LRRC74B: variants seen among roughly 807,000 people sequenced by gnomAD.
LRRC74B encodes leucine-rich repeat-containing protein 74B.
LRRC74B carries 30 observed loss-of-function variants against 16.6 expected under a neutral mutation model. The observed-to-expected ratio is 1.80, with a 90% confidence interval of 1.35 to 2.45. The LOEUF (loss-of-function observed/expected upper bound fraction) is 2.45, where lower values mean the gene tolerates loss of function less well. Ranked by LOEUF, LRRC74B falls within the 30% of genes most tolerant of loss-of-function variation. The pLI is 0.00. For missense variants in LRRC74B, 326 were observed against 202.4 expected (o/e 1.61, Z -3.71); for synonymous variants, 134 against 86.0 (o/e 1.56, Z -3.09).
At chr22:21,053,141 T>G (rs998498038) in intron 5 of LRRC74B, among the ~76,000 whole-genome samples, 5 of 152,220 alleles carry the variant, frequency 3.3e-5, no homozygotes, top group African/African-American at 1.2e-4. Context: ...TCCTTTCCTG[T>G]TGTGCTCTGG....
At chr22:21,047,892 G>A in exon 3 of LRRC74B, 1 of 717,392 alleles carries the variant, frequency 1.4e-6, no homozygotes, top group Non-Finnish European at 2.6e-6. Flanking sequence ...AGGGCGCCCG[G>A]GCTCTGGCTT....
downstream of LRRC74B, chr22:21,061,748 CAT>C (rs1930816333): frequency 6.6e-6 from 1 of 152,116 alleles, no homozygotes; most frequent in Non-Finnish European, 1.5e-5. Flanking sequence ...GAAATGAAGA[CAT>C]ATGTCCCCAC....
downstream of LRRC74B, chr22:21,061,588 G>A (rs1341186426): frequency 2.0e-5 from 3 of 152,194 alleles, no homozygotes; most frequent in Non-Finnish European, 4.4e-5. Context: ...CTTGAGCTCA[G>A]GAGTTGGAGA....
intron 5 of LRRC74B, among the ~76,000 whole-genome samples, chr22:21,052,991 C>T (rs1930191552): frequency 6.6e-6 from 1 of 152,208 alleles, no homozygotes; most frequent in Admixed American, 6.5e-5. Context: ...TTTCATCCAA[C>T]AGCTGTTCAC....
intron 7 of LRRC74B, 75 bp downstream of exon 7, chr22:21,055,251 A>G: frequency 1.5e-6 from 1 of 677,010 alleles, no homozygotes; most frequent in Non-Finnish European, 2.7e-6. Context: ...CCTCCCCCAC[A>G]GCCCCCACCC....
intron 7 of LRRC74B, among the ~76,000 whole-genome samples, chr22:21,056,105 TG>T (rs1243069642): frequency 6.6e-6 from 1 of 152,216 alleles, no homozygotes; most frequent in African/African-American, 2.4e-5. Flanking sequence ...GATTCCTGGC[TG>T]CGGTTCTTTC....
chr22:21,052,371 C>T lies in LRRC74B; in HGVS notation c.732+13C>T, dbSNP rs561061407. 8 of 717,294 alleles carry T rather than the reference C, an allele frequency of 1.1e-5. No individual in the cohort carries two copies. In the African/African-American group the frequency reaches 1.4e-4, roughly 12 times the overall value. 44.4% of individuals were successfully genotyped at this position (717,294 alleles called of 1,614,324 possible). On this transcript the variant is annotated intron_variant, in intron 5 of 8. Coordinates refer to ENST00000442047, the Ensembl canonical transcript of LRRC74B. The stretch of plus-strand genomic sequence containing the variant: ...CAGGGGACTGGAGGTATGAAGCCCC[C>T]ACCTAGTCGGCCCTACAGCCTGTCT...
downstream of LRRC74B, chr22:21,064,012 A>G: frequency 6.2e-6 from 1 of 161,036 alleles, no homozygotes; most frequent in Non-Finnish European, 1.3e-5. Context: ...TAATAATTAT[A>G]ATAATGAAAA....
chr22:21,057,561 G>A lies in LRRC74B; in HGVS notation c.1023+361G>A, dbSNP rs551883688. On this transcript the variant is annotated intron_variant, in intron 8 of 8. Transcript: ENST00000442047. ...CCCTGACTGTCTGCAGGTGGACTGT[G>A]GTGCTGGAAGCTTCACTTGAGTGGC... Among the ~76,000 whole-genome samples the A allele has an allele frequency of 2.2e-3, 329 of 148,930 alleles. 1 individual carries two copies. The highest frequency in any genetic ancestry group is 3.5e-3 in the Non-Finnish European group (236 of 67,318).
At chr22:21,056,587 A>G (rs1930534436) in intron 7 of LRRC74B, 1 of 134,988 alleles carries the variant, frequency 7.4e-6, no homozygotes, top group Non-Finnish European at 1.5e-5. Flanking sequence ...CTCTCACCCC[A>G]AGCTTGGAGC....
chr22:21,061,934 G>C (rs539531892), downstream of LRRC74B: 2 of 152,156 alleles, frequency 1.3e-5, no homozygotes, highest in Admixed American at 6.5e-5. Context: ...TGATGGCTAC[G>C]TAACTGTGCA....
intron 1 of LRRC74B, 126 bp from the exon 2 acceptor site, chr22:21,047,230 C>T: frequency 1.6e-6 from 1 of 609,218 alleles, no homozygotes; most frequent in African/African-American, 1.9e-5. Context: ...GAGCAGTGGT[C>T]CCAAGAAGCA....
Position 21,058,090 on chromosome 22 carries a change from G to A in LRRC74B, c.1023+890G>A, listed in dbSNP as rs112187217. 1.7e-3 allele frequency among the ~76,000 whole-genome samples: 255 copies of A among 149,458 alleles called. 1 individual carries two copies. Among genetic ancestry groups the A allele is most frequent in the African/African-American group, 5.9e-3 (240 of 40,586 alleles). The stretch of plus-strand genomic sequence containing the variant: ...TTTTGGTATTTTTTTTAGTAGAGAT[G>A]GGGTTTCACCAGGTTGGCCAGGCTG... On this transcript the variant is annotated intron_variant, in intron 8 of 8. Transcript: ENST00000442047.
At chr22:21,052,131 T>G (rs1016269336) in intron 4 of LRRC74B, 118 bp from the exon 5 acceptor site, 5 of 669,562 alleles carry the variant, frequency 7.5e-6, no homozygotes, top group African/African-American at 1.8e-5. Flanking sequence ...AGGCCCACAT[T>G]AGTTTCATGT....
chr22:21,046,234 C>T, intron 1 of LRRC74B, 109 bp downstream of exon 1: 1 of 627,384 alleles, frequency 1.6e-6, no homozygotes, highest in Non-Finnish European at 2.9e-6. Context: ...TACCCGCCTG[C>T]GGGGCGCCTC....
chr22:21,047,918 A>G (rs902640814), exon 3 of LRRC74B: 5 of 717,296 alleles, frequency 7.0e-6, no homozygotes, highest in Non-Finnish European at 1.3e-5. Flanking sequence ...TTGAGCTCCA[A>G]TCCATATGTC....
intron 8 of LRRC74B, among the ~76,000 whole-genome samples, chr22:21,057,824 G>A (rs1033471239): frequency 1.4e-5 from 2 of 145,956 alleles, no homozygotes; most frequent in Non-Finnish European, 3.0e-5. Context: ...GCCCAGGCTG[G>A]TTGCAAACTT....
intron 8 of LRRC74B, among the ~76,000 whole-genome samples, chr22:21,059,011 G>A (rs1930684274): frequency 6.6e-6 from 1 of 152,188 alleles, no homozygotes. Flanking sequence ...CCAGGACCTC[G>A]GGAGGCCAAG....
At chr22:21,053,319 T>G in intron 5 of LRRC74B, 41 bp from the exon 6 acceptor site, 2 of 707,798 alleles carry the variant, frequency 2.8e-6, no homozygotes, top group Admixed American at 2.0e-5. Flanking sequence ...CTTGCTCCAC[T>G]GTCAGATGGG....
Sources: allele counts gnomAD v4.1 joint callset (sites outside exome capture counted in the v4.1 genomes callset), GRCh38; gene constraint gnomAD v4.1.1; transcripts MANE v1.5; gene names NCBI Gene and HGNC (gene_info 2026-07-23, HGNC 2026-07-21).